AMACR: variants seen among roughly 807,000 people sequenced by gnomAD.
The protein encoded by AMACR is alpha-methylacyl-CoA racemase, also known as 2-methylacyl-CoA racemase.
In AMACR, 18 loss-of-function variants were observed where a neutral mutation model predicts 22.2. The observed-to-expected ratio is 0.81, with a 90% CI of 0.56 to 1.20. The LOEUF (loss-of-function observed/expected upper bound fraction) is 1.20. Among genes scored for constraint, AMACR ranks in the 50% most tolerant of loss-of-function variants. AMACR has a pLI of 0.00. For missense variants in AMACR, 499 were observed against 490.6 expected, an observed-to-expected ratio of 1.02 and a Z score of -0.16; for synonymous variants, 213 against 191.3, an observed-to-expected ratio of 1.11 and a Z score of -0.94.
chr5:34,001,721 G>A (rs928293836), intron 3 of AMACR, among the ~76,000 whole-genome samples: 1 of 152,040 alleles, frequency 6.6e-6, no homozygotes, highest in Non-Finnish European at 1.5e-5. Context: ...CTACAATAAG[G>A]CAGCCTCCAG....
At chr5:33,991,319 T>G (rs1474319199) in intron 4 of AMACR, among the ~76,000 whole-genome samples, 1 of 152,172 alleles carries the variant, frequency 6.6e-6, no homozygotes, top group African/African-American at 2.4e-5. Context: ...GCCACAGGAT[T>G]AAACACCAAT....
intron 4 of AMACR, among the ~76,000 whole-genome samples, chr5:33,995,070 T>A (rs983484344): frequency 1.3e-5 from 2 of 152,342 alleles, no homozygotes; most frequent in East Asian, 3.9e-4. Flanking sequence ...TTAAATTGCA[T>A]GCTGTTCTGA....
In AMACR at chr5:33,989,559, A is replaced by C. The variant is rs1753413464; in HGVS notation, c.740-57T>G. 25 of 1,377,808 alleles carry C rather than the reference A, an allele frequency of 1.8e-5. No individual in the cohort carries two copies. The South Asian group carries it at 3.0e-4, about 16-fold the overall frequency. 85.3% of individuals were successfully genotyped at this position (1,377,808 alleles called of 1,614,324 possible). ...TGCTTTGAACAGAGCAATTATAATCAATAAAAATGAATGCTGAGCCCACTG... is the reference window on the plus strand; with the variant it reads ...TGCTTTGAACAGAGCAATTATAATCCATAAAAATGAATGCTGAGCCCACTG... On this transcript the variant is annotated intron_variant, in intron 4 of 4. Transcript: ENST00000335606.
chr5:33,997,260 C>T (rs774870228), intron 4 of AMACR: 20 of 771,158 alleles, frequency 2.6e-5, no homozygotes, highest in South Asian at 1.2e-4. Flanking sequence ...TTTATTGGTC[C>T]GGATTCCCAC....
Position 33,988,972 on chromosome 5 carries a change from C to A in AMACR, c.*121G>T. The A allele has an allele frequency of 1.3e-6, 2 of 1,520,458 alleles. No individual in the cohort carries two copies. Among genetic ancestry groups the A allele is most frequent in the South Asian group, 2.5e-5 (2 of 79,480 alleles). 94.2% of individuals were successfully genotyped at this position (1,520,458 alleles called of 1,614,324 possible). A position where few individuals can be genotyped will look rare whatever the true frequency, so the allele number is the denominator to read the frequency against. ...TAGAATCAGAGTCTGTAATTCTTTT[C>A]TTGATTAGAGTGGTAGGACACTGTA... On this transcript the variant is annotated 3_prime_UTR_variant, in exon 5 of 5. Coordinates refer to ENST00000335606, the MANE Select transcript of AMACR (RefSeq NM_014324.6).
At chr5:33,999,154 C>T (rs1561042569) in intron 3 of AMACR, among the ~76,000 whole-genome samples, 1 of 152,132 alleles carries the variant, frequency 6.6e-6, no homozygotes, top group Non-Finnish European at 1.5e-5. Context: ...ATACTATTCT[C>T]TCTACTTTTT....
chr5:33,988,451 C>T lies in AMACR; in HGVS notation c.*642G>A. On this transcript the variant is annotated 3_prime_UTR_variant, in exon 5 of 5. Transcript: ENST00000335606. ...GCCCCGAGTTACTGGATACAGGCAA[C>T]CCTAAAACTGACTGTCCCTCTGGAC... is the stretch of plus-strand genomic sequence containing the variant. 2 of 1,528,334 alleles carry T rather than the reference C, an allele frequency of 1.3e-6. No individual in the cohort carries two copies. Among genetic ancestry groups the T allele is most frequent in the Non-Finnish European group, 1.8e-6 (2 of 1,142,534 alleles). 94.7% of individuals were successfully genotyped at this position (1,528,334 alleles called of 1,614,324 possible).
At chr5:33,994,068 G>A (rs1407956469) in intron 4 of AMACR, 1 of 456,102 alleles carries the variant, frequency 2.2e-6, no homozygotes, top group Admixed American at 2.3e-5. Flanking sequence ...AAAAGATTTT[G>A]CATACTTATG....
rs1279784194 is a variant in AMACR, at chr5:33,987,256, A to G, written c.*1837T>C. 6.6e-6 allele frequency: 1 copy of G among 152,618 alleles called. No individual in the cohort carries two copies. The highest frequency in any genetic ancestry group is 1.5e-5 in the Non-Finnish European group (1 of 68,072). 9.5% of individuals were successfully genotyped at this position (152,618 alleles called of 1,614,324 possible). On this transcript the variant is annotated 3_prime_UTR_variant, in exon 5 of 5. Coordinates refer to ENST00000335606, the MANE Select transcript of AMACR (RefSeq NM_014324.6). ...GGCTGGTCTCGAACTCTTGGCCTCAAGTGATCCTCCATGCCTGGGCTGGAA... is the reference window on the plus strand; with the variant it reads ...GGCTGGTCTCGAACTCTTGGCCTCAGGTGATCCTCCATGCCTGGGCTGGAA...
chr5:33,989,222 G>A lies in AMACR; in HGVS notation c.1020C>T (p.Phe340=). The stretch of plus-strand genomic sequence containing the variant: ...GTTCTCCTATGAAAGGATCCCTTTT[G>A]AAAGAAGGGATGGCTGGGGTGTTTA... ...LLLNTPAIPS[F]KRDPFIGEHT... The change falls in exon 5 of 5, where the codon TTC becomes TTT. Residue 340 remains phenylalanine (F), a synonymous_variant. Coordinates refer to ENST00000335606, the MANE Select transcript of AMACR (RefSeq NM_014324.6). 6.2e-7 allele frequency: 1 copy of A among 1,614,138 alleles called. No individual in the cohort carries two copies. The highest frequency in any genetic ancestry group is 8.5e-7 in the Non-Finnish European group (1 of 1,180,008).
In AMACR at chr5:33,988,547, C is replaced by G; in HGVS notation, c.*546G>C. Reference sequence around the variant, plus strand: ...TTTTTCAGTTGAAGGCATTCTGATTCAATACAGGTGAAACTTTTCTTTGCA... The same window carrying G: ...TTTTTCAGTTGAAGGCATTCTGATTGAATACAGGTGAAACTTTTCTTTGCA... On this transcript the variant is annotated 3_prime_UTR_variant, in exon 5 of 5. Transcript: ENST00000335606. 1.4e-6 allele frequency: 2 copies of G among 1,380,690 alleles called. No individual in the cohort carries two copies. Among genetic ancestry groups the G allele is most frequent in the Non-Finnish European group, 9.3e-7 (1 of 1,070,540 alleles). The allele number at this position is 1,380,690 out of a possible 1,614,324, so 85.5% of individuals were successfully genotyped here.
intron 1 of AMACR, among the ~76,000 whole-genome samples, chr5:34,007,057 T>C (rs1754002628): frequency 6.6e-6 from 1 of 152,210 alleles, no homozygotes; most frequent in Middle Eastern, 3.2e-3. Context: ...CTGGAGTCCA[T>C]GATGAAGTAC....
At position 33,986,274 on chromosome 5, in the gene AMACR, C is replaced by G. The variant is rs1753288138; in HGVS notation, c.*2819G>C. ...AGATTTAAAATGGTGGCAGGTCACA[C>G]CCTTCTTCAAATCATTAGCTGTGTC... On this transcript the variant is annotated 3_prime_UTR_variant, in exon 5 of 5. Coordinates refer to ENST00000335606, the MANE Select transcript of AMACR (RefSeq NM_014324.6). 6.6e-6 allele frequency: 1 copy of G among 152,180 alleles called. No individual in the cohort carries two copies. Among genetic ancestry groups the G allele is most frequent in the African/African-American group, 2.4e-5 (1 of 41,424 alleles). 9.4% of individuals were successfully genotyped at this position (152,180 alleles called of 1,614,324 possible).
At chr5:33,994,058 A>G in intron 4 of AMACR, 1 of 456,176 alleles carries the variant, frequency 2.2e-6, no homozygotes, top group Non-Finnish European at 4.4e-6. Flanking sequence ...ATGCACCTTA[A>G]AAAGATTTTG....
intron 3 of AMACR, among the ~76,000 whole-genome samples, chr5:34,000,355 G>GT (rs1235148690): frequency 6.6e-6 from 1 of 152,216 alleles, no homozygotes; most frequent in Non-Finnish European, 1.5e-5. Flanking sequence ...TCTGAATACT[G>GT]TTTATCTGGC....
chr5:33,997,364 CA>C, intron 4 of AMACR: 1 of 776,112 alleles, frequency 1.3e-6, no homozygotes, highest in East Asian at 2.4e-5. Flanking sequence ...ACATCCAACT[CA>C]AAATGGCCAT....
At chr5:34,000,011 T>C (rs1023407203) in intron 3 of AMACR, among the ~76,000 whole-genome samples, 3 of 152,250 alleles carry the variant, frequency 2.0e-5, no homozygotes, top group African/African-American at 7.2e-5. Context: ...CATATTTAAA[T>C]GTATCCTATA....
intron 3 of AMACR, among the ~76,000 whole-genome samples, chr5:34,003,561 G>A (rs138918428): frequency 3.6e-4 from 55 of 152,310 alleles, no homozygotes; most frequent in African/African-American, 1.2e-3. Flanking sequence ...GAGCTGGGAC[G>A]GAGGTAGTCA....
At chr5:34,001,312 T>C (rs1753807973) in intron 3 of AMACR, among the ~76,000 whole-genome samples, 1 of 152,224 alleles carries the variant, frequency 6.6e-6, no homozygotes, top group Non-Finnish European at 1.5e-5. Context: ...AGTGTAGCCC[T>C]GGGGCCAAAG....
Sources: gnomAD v4.1 joint callset for allele counts (sites outside exome capture counted in the v4.1 genomes callset) on GRCh38, gnomAD v4.1.1 for gene constraint, MANE v1.5 for transcripts, NCBI Gene and HGNC (gene_info 2026-07-23, HGNC 2026-07-21) for gene names.